GTF2IRD1: variants seen among roughly 807,000 people sequenced by gnomAD.
GTF2IRD1 encodes the protein GTF2I repeat domain containing 1.
GTF2IRD1 carries 26 observed loss-of-function variants against 113.2 expected under a neutral mutation model. That is an observed-to-expected ratio of 0.23 (90% CI 0.17 to 0.32). The LOEUF (loss-of-function observed/expected upper bound fraction) is 0.32. Among genes scored for constraint, GTF2IRD1 ranks in the 10% least tolerant of loss-of-function variants. The pLI, the probability that GTF2IRD1 is intolerant of heterozygous loss-of-function variation, is 1.00. For missense variants in GTF2IRD1, 864 were observed against 1,280.8 expected, an observed-to-expected ratio of 0.67 and a Z score of 4.97; for synonymous variants, 484 against 529.1, an observed-to-expected ratio of 0.91 and a Z score of 1.17.
At chr7:74,544,935 G>A in intron 15 of GTF2IRD1, 133 bp downstream of exon 15, 1 of 669,138 alleles carries the variant, frequency 1.5e-6, no homozygotes, top group Non-Finnish European at 2.6e-6. Flanking sequence ...CCTGGTGTGG[G>A]GGTGGGAATC....
intron 1 of GTF2IRD1, among the ~76,000 whole-genome samples, chr7:74,499,382 G>A (rs1450755794): frequency 6.6e-6 from 1 of 151,694 alleles, no homozygotes; most frequent in Non-Finnish European, 1.5e-5. Flanking sequence ...GGGTTCAAAA[G>A]TGTGCAAGGA....
Position 74,512,703 on chromosome 7 carries a change from G to T in GTF2IRD1, c.124-127G>T. ...TGAGACCAAGAACAGTAGAGGGGCCGTCTGTCCCTGGAGCTGCTGCTGGGG... is the reference window on the plus strand; with the variant it reads ...TGAGACCAAGAACAGTAGAGGGGCCTTCTGTCCCTGGAGCTGCTGCTGGGG... On this transcript the variant is annotated intron_variant, in intron 2 of 26. Coordinates refer to ENST00000424337, the MANE Select transcript of GTF2IRD1 (RefSeq NM_005685.4). The surrounding 1 kb of genome is among the most constrained non-coding windows in gnomAD (Gnocchi z 4.4). 1 of 791,686 alleles carries T rather than the reference G, an allele frequency of 1.3e-6. No individual in the cohort carries two copies. 49.0% of individuals were successfully genotyped at this position (791,686 alleles called of 1,614,324 possible).
chr7:74,524,175 G>C, intron 8 of GTF2IRD1, 21 bp downstream of exon 8: 1 of 1,538,050 alleles, frequency 6.5e-7, no homozygotes. Flanking sequence ...GGCGCGGCCC[G>C]CCGTGTGGCC....
intron 14 of GTF2IRD1, among the ~76,000 whole-genome samples, chr7:74,542,564 G>T (rs184469017): frequency 6.6e-6 from 1 of 152,188 alleles, no homozygotes; most frequent in Non-Finnish European, 1.5e-5. Flanking sequence ...AATGATTTGC[G>T]TTTTTTATTT....
At chr7:74,469,069 A>C (rs1214799011) in intron 1 of GTF2IRD1, among the ~76,000 whole-genome samples, 3 of 138,618 alleles carry the variant, frequency 2.2e-5, no homozygotes, top group Non-Finnish European at 4.6e-5. Context: ...TGGACGACAG[A>C]GCGAGACTCC....
chr7:74,543,445 C>T (rs1199665781), intron 14 of GTF2IRD1, among the ~76,000 whole-genome samples: 2 of 152,196 alleles, frequency 1.3e-5, no homozygotes, highest in Admixed American at 6.5e-5. Flanking sequence ...TGCACTCCAG[C>T]CTGGGTGACA....
chr7:74,600,100 C>T (rs1802657536), intron 25 of GTF2IRD1, among the ~76,000 whole-genome samples: 1 of 152,128 alleles, frequency 6.6e-6, no homozygotes, highest in Non-Finnish European at 1.5e-5. Context: ...GTGCCCAGCA[C>T]CCAGAAAATA....
chr7:74,547,748 T>C (rs1799034937), intron 17 of GTF2IRD1, among the ~76,000 whole-genome samples: 1 of 141,720 alleles, frequency 7.1e-6, no homozygotes, highest in Admixed American at 7.1e-5. Flanking sequence ...CTTTCTTTTC[T>C]CTCTCTCTTT....
intron 1 of GTF2IRD1, among the ~76,000 whole-genome samples, chr7:74,457,928 G>A (rs185493857): frequency 6.0e-5 from 9 of 150,684 alleles, no homozygotes; most frequent in African/African-American, 1.7e-4. Flanking sequence ...GCCCAGGCTG[G>A]CATGCAGTGG....
At chr7:74,455,044 T>C (rs553235009) in intron 1 of GTF2IRD1, among the ~76,000 whole-genome samples, 2 of 152,202 alleles carry the variant, frequency 1.3e-5, no homozygotes, top group African/African-American at 4.8e-5. Context: ...CGCTGAGAGT[T>C]CGTTCCACCC....
chr7:74,567,743 T>C (rs1800409795), intron 22 of GTF2IRD1, among the ~76,000 whole-genome samples: 1 of 151,960 alleles, frequency 6.6e-6, no homozygotes. Context: ...CAGGAGAGAA[T>C]GAACAAGAGT....
intron 8 of GTF2IRD1, among the ~76,000 whole-genome samples, chr7:74,526,298 C>T (rs1291610395): frequency 2.6e-5 from 4 of 152,148 alleles, no homozygotes; most frequent in South Asian, 4.1e-4. Context: ...CCCATAAAGC[C>T]GGAGCTCCCT....
At chr7:74,561,346 CAAAAA>C (rs11452589) in intron 22 of GTF2IRD1, among the ~76,000 whole-genome samples, 2 of 77,742 alleles carry the variant, frequency 2.6e-5, no homozygotes, top group African/African-American at 5.3e-5. Flanking sequence ...TAGATTGTCT[CAAAAA>C]AAAAAAAAAA....
chr7:74,460,036 C>CGTGATCCT, intron 1 of GTF2IRD1, among the ~76,000 whole-genome samples: 1 of 151,864 alleles, frequency 6.6e-6, no homozygotes, highest in Non-Finnish European at 1.5e-5. Flanking sequence ...AGTGCAGTGG[C>CGTGATCCT]ACAATCTCGG....
At chr7:74,502,053 C>A (rs1334635429) in intron 1 of GTF2IRD1, among the ~76,000 whole-genome samples, 1 of 152,110 alleles carries the variant, frequency 6.6e-6, no homozygotes, top group Non-Finnish European at 1.5e-5. Context: ...CTCAAGTGAT[C>A]CTCCCGTCTC....
intron 3 of GTF2IRD1, among the ~76,000 whole-genome samples, chr7:74,513,865 T>C (rs1796772343): frequency 6.6e-6 from 1 of 152,048 alleles, no homozygotes; most frequent in Non-Finnish European, 1.5e-5. Context: ...ATTTAAAAAT[T>C]AACCAGGCTT....
intron 1 of GTF2IRD1, among the ~76,000 whole-genome samples, chr7:74,491,177 G>C (rs200814930): frequency 1.3e-5 from 2 of 151,972 alleles, no homozygotes; most frequent in East Asian, 3.9e-4. Flanking sequence ...GTGGTGGCAG[G>C]CACCTGTAAT....
chr7:74,512,907 A>G lies in GTF2IRD1; in HGVS notation c.201A>G (p.Thr67=). ...VHDESAFVVG[T]EKGRMFLNAR... ...ATGAGAGCGCCTTTGTGGTGGGCACAGAGAAGGGGAGAATGTTCCTGAATG... is the reference window on the plus strand; with the variant it reads ...ATGAGAGCGCCTTTGTGGTGGGCACGGAGAAGGGGAGAATGTTCCTGAATG... The change falls in exon 3 of 27, where the codon ACA becomes ACG. Residue 67 remains threonine, a synonymous_variant. Coordinates refer to ENST00000424337, the MANE Select transcript of GTF2IRD1 (RefSeq NM_005685.4). This position sits in a 1 kb window ranked among gnomAD's most constrained non-coding sequence, Gnocchi z 4.4. 6.2e-7 allele frequency: 1 copy of G among 1,614,074 alleles called. No homozygotes were observed. Among genetic ancestry groups the G allele is most frequent in the Non-Finnish European group, 8.5e-7 (1 of 1,179,906 alleles).
At chr7:74,517,672 A>G (rs1483300875) in intron 4 of GTF2IRD1, among the ~76,000 whole-genome samples, 3 of 150,526 alleles carry the variant, frequency 2.0e-5, no homozygotes, top group Non-Finnish European at 4.4e-5. Context: ...CTCCCTCCTC[A>G]GCCTCCCAAA....
Sources: allele counts gnomAD v4.1 joint callset (sites outside exome capture counted in the v4.1 genomes callset), GRCh38; gene constraint gnomAD v4.1.1; non-coding constraint Gnocchi (gnomAD v3.1); transcripts MANE v1.5; gene names NCBI Gene and HGNC (gene_info 2026-07-23, HGNC 2026-07-21).